Variants in SARDH observed in about 807,000 individuals in gnomAD.
The protein encoded by SARDH is sarcosine dehydrogenase, mitochondrial.
SARDH carries 95 observed loss-of-function variants against 109.1 expected under a neutral mutation model. The ratio of observed to expected loss-of-function variants is 0.87; its 90% CI spans 0.74 to 1.03. The LOEUF (loss-of-function observed/expected upper bound fraction) is 1.03. SARDH is among the 50% of genes least tolerant of loss of function. The pLI, the probability that SARDH is intolerant of heterozygous loss-of-function variation, is 0.00. For missense variants in SARDH, 1,267 were observed against 1,287.8 expected (o/e 0.98, Z 0.25); for synonymous variants, 572 against 534.8 (o/e 1.07, Z -0.96).
chr9:133,702,749 C>T (rs1831537951), intron 13 of SARDH, among the ~76,000 whole-genome samples, 167 bp downstream of exon 13: 1 of 152,182 alleles, frequency 6.6e-6, no homozygotes, highest in Non-Finnish European at 1.5e-5. Flanking sequence ...GAGGAAAACG[C>T]ATGATTCCTC....
chr9:133,729,720 T>C (rs1832606590), intron 6 of SARDH, 45 bp downstream of exon 6: 1 of 1,554,568 alleles, frequency 6.4e-7, no homozygotes. Flanking sequence ...GCCAGGTCTC[T>C]GTGCCCCCCA....
In SARDH at chr9:133,713,061, A is replaced by C; in HGVS notation, c.1214T>G (p.Leu405Arg). The part of the protein sequence containing the change: ...GEAPELRGFF[L>R]GCGFNSAGMM... ...ACCTGCGCTGTTGAAGCCACAGCCC[A>C]GGAAGAACCCTCGGAGCTCAGGTGC... Residue 405 changes from leucine (L) to arginine (R), a missense_variant, in exon 9 of 21, where the codon CTG becomes CGG. By Grantham distance (102) the Leu-to-Arg change is moderately radical (BLOSUM62 -2). Transcript: ENST00000439388. The C allele has an allele frequency of 6.2e-7, 1 of 1,612,934 alleles. No homozygotes were observed. Among genetic ancestry groups the C allele is most frequent in the Non-Finnish European group, 8.5e-7 (1 of 1,179,794 alleles).
At chr9:133,719,139 A>G (rs1832232767) in intron 6 of SARDH, 97 bp from the exon 7 acceptor site, 1 of 980,600 alleles carries the variant, frequency 1.0e-6, no homozygotes, top group African/African-American at 1.6e-5. Flanking sequence ...ACCCAGGGTC[A>G]CGGGCTCGAG....
Position 133,712,433 on chromosome 9 carries a change from C to G in SARDH, c.1328+186G>C, listed in dbSNP as rs2131447135. Among the ~76,000 whole-genome samples the G allele has an allele frequency of 6.6e-6, 1 of 152,188 alleles. No homozygotes were observed. Among genetic ancestry groups the G allele is most frequent in the East Asian group, 1.9e-4 (1 of 5,130 alleles). ...TTCAAAGCTGTAAAGGGGCGTGGAC[C>G]TGCCCCCCAGCCACCCCCTCAGCAC... On this transcript the variant is annotated intron_variant, in intron 10 of 20. Transcript: ENST00000439388. The surrounding 1 kb of genome is among the most constrained non-coding windows in gnomAD (Gnocchi z 4.1).
Position 133,729,787 on chromosome 9 carries a change from G to A in SARDH, c.893C>T (p.Thr298Ile), listed in dbSNP as rs751125949. Residue 298 changes from threonine to isoleucine, a missense_variant, in exon 6 of 21, where the codon ACC becomes ATC. By Grantham distance (89) the Thr-to-Ile change is moderately conservative. Transcript: ENST00000439388. ...LVAMHHAYVVTERIEGIQNMP... is the reference protein window; with the variant it reads ...LVAMHHAYVVIERIEGIQNMP... ...TACCTGAATCCCCTCGATGCGCTCG[G>A]TGACGACATAGGCATGGTGCATGGC... The A allele has an allele frequency of 1.2e-6, 2 of 1,612,942 alleles. No homozygotes were observed. Among genetic ancestry groups the A allele is most frequent in the Non-Finnish European group, 1.7e-6 (2 of 1,179,994 alleles).
At chr9:133,684,024 G>A (rs977980001) in intron 17 of SARDH, among the ~76,000 whole-genome samples, 3 of 151,538 alleles carry the variant, frequency 2.0e-5, no homozygotes, top group East Asian at 1.9e-4. Flanking sequence ...GGTAACATCC[G>A]TCATGCAGGG....
At chr9:133,662,701 G>A (rs920850076), downstream of SARDH, among the ~76,000 whole-genome samples, 1 of 152,230 alleles carries the variant, frequency 6.6e-6, no homozygotes, top group African/African-American at 2.4e-5. The surrounding 1 kb of genome is among the most constrained non-coding windows in gnomAD (Gnocchi z 5.1). Context: ...CAGGACTGCT[G>A]CCCCCAGATC....
intron 17 of SARDH, among the ~76,000 whole-genome samples, chr9:133,679,392 G>A (rs779432552): frequency 5.3e-5 from 8 of 152,238 alleles, no homozygotes; most frequent in South Asian, 4.1e-4. Context: ...TAACAGCGCC[G>A]CGACTAGGAC....
At chr9:133,730,581 A>G (rs1436032496) in intron 4 of SARDH, among the ~76,000 whole-genome samples, 1 of 151,380 alleles carries the variant, frequency 6.6e-6, no homozygotes, top group Non-Finnish European at 1.5e-5. Context: ...TTGCATACAT[A>G]TATATTTTCA....
chr9:133,687,050 C>A (rs534648703), intron 16 of SARDH, among the ~76,000 whole-genome samples: 1 of 152,150 alleles, frequency 6.6e-6, no homozygotes, highest in Non-Finnish European at 1.5e-5. Flanking sequence ...CAGGGGTCCA[C>A]GAGCTTCCCA....
At chr9:133,682,059 C>A (rs1298368689) in intron 17 of SARDH, among the ~76,000 whole-genome samples, 2 of 152,194 alleles carry the variant, frequency 1.3e-5, no homozygotes, top group Non-Finnish European at 2.9e-5. Flanking sequence ...TGACCCGGGA[C>A]CATGAACCGC....
At position 133,674,650 on chromosome 9, in the gene SARDH, C is replaced by T. The variant is rs190905255; in HGVS notation, c.2164-2953G>A. On this transcript the variant is annotated intron_variant, in intron 17 of 20. Coordinates refer to ENST00000439388, the MANE Select transcript of SARDH (RefSeq NM_001134707.2). Reference sequence around the variant, plus strand: ...CTGAGGCCACTCATGGGGAAAGAGTCTCCAACAAGTGGTGCTGGGAGGATC... The same window carrying T: ...CTGAGGCCACTCATGGGGAAAGAGTTTCCAACAAGTGGTGCTGGGAGGATC... 3.2e-4 allele frequency among the ~76,000 whole-genome samples: 49 copies of T among 152,262 alleles called. 1 individual carries two copies. In the Middle Eastern group the frequency reaches 0.01, roughly 32 times the overall value.
At position 133,709,470 on chromosome 9, in the gene SARDH, C is replaced by T. The variant is rs913226243; in HGVS notation, c.1329-1042G>A. On this transcript the variant is annotated intron_variant, in intron 10 of 20. Transcript: ENST00000439388. The surrounding 1 kb of genome is among the most constrained non-coding windows in gnomAD (Gnocchi z 4.2). ...CGGCTTTCCCAGCACCCCGCCTCCC[C>T]CTCACGCTCCACCTGCTAGAACCTC... Among the ~76,000 whole-genome samples the T allele has an allele frequency of 2.6e-5, 4 of 152,174 alleles. No individual in the cohort carries two copies. The highest frequency in any genetic ancestry group is 2.9e-5 in the Non-Finnish European group (2 of 68,046).
chr9:133,715,468 C>G (rs550296865), intron 8 of SARDH, among the ~76,000 whole-genome samples: 1 of 152,192 alleles, frequency 6.6e-6, no homozygotes, highest in Non-Finnish European at 1.5e-5. Context: ...CTACCCTGCA[C>G]GCTGCCCCGG....
intron 17 of SARDH, among the ~76,000 whole-genome samples, chr9:133,683,038 C>CACCCCCG (rs1830755479): frequency 1.3e-5 from 2 of 152,222 alleles, no homozygotes; most frequent in African/African-American, 4.8e-5. Flanking sequence ...CTGCACCCCC[C>CACCCCCG]ACGCTGTGTT....
intron 6 of SARDH, among the ~76,000 whole-genome samples, chr9:133,722,834 T>C (rs1832375118): frequency 6.6e-6 from 1 of 152,030 alleles, no homozygotes; most frequent in Admixed American, 6.6e-5. Context: ...AATTTTTGTG[T>C]TTTTAGTAGA....
At chr9:133,732,400 G>A (rs759620265) in intron 3 of SARDH, 23 bp downstream of exon 3, 5 of 763,154 alleles carry the variant, frequency 6.6e-6, no homozygotes, top group Non-Finnish European at 8.6e-6. Context: ...CCCCCTCCTT[G>A]CCCCCCGCAG....
At chr9:133,694,903 T>C (rs1450938960) in intron 14 of SARDH, among the ~76,000 whole-genome samples, 2 of 151,824 alleles carry the variant, frequency 1.3e-5, no homozygotes, top group South Asian at 2.1e-4. Flanking sequence ...GGCTGGTGGA[T>C]GGGTGGATGC....
At chr9:133,670,315 T>G (rs1588377466) in intron 19 of SARDH, among the ~76,000 whole-genome samples, 1 of 125,706 alleles carries the variant, frequency 8.0e-6, no homozygotes, top group African/African-American at 3.2e-5. Context: ...GGCAATAGAG[T>G]GAGACTCCGT....
Sources: allele counts gnomAD v4.1 joint callset (sites outside exome capture counted in the v4.1 genomes callset), GRCh38; gene constraint gnomAD v4.1.1; non-coding constraint Gnocchi (gnomAD v3.1); transcripts MANE v1.5; gene names NCBI Gene and HGNC (gene_info 2026-07-23, HGNC 2026-07-21).